CNTNAP4: variants seen among roughly 807,000 people sequenced by gnomAD.
CNTNAP4 encodes the protein contactin-associated protein-like 4.
CNTNAP4 carries 98 observed loss-of-function variants against 148.4 expected under a neutral mutation model. The observed-to-expected ratio is 0.66, with a 90% CI of 0.56 to 0.78. The LOEUF is 0.78. Ranked by LOEUF, CNTNAP4 falls within the 30% of genes least tolerant of loss-of-function variation. The pLI is 0.00. For missense variants in CNTNAP4, 1,935 were observed against 1,565.6 expected, an observed-to-expected ratio of 1.24 and a Z score of -3.98; for synonymous variants, 730 against 565.1, an observed-to-expected ratio of 1.29 and a Z score of -4.14.
chr16:76,332,903 A>G (rs1963663944), intron 2 of CNTNAP4, among the ~76,000 whole-genome samples: 1 of 152,154 alleles, frequency 6.6e-6, no homozygotes, highest in Admixed American at 6.5e-5. Context: ...AAGTGGGAGC[A>G]GGTTAGTGGT....
chr16:76,464,035 C>G lies in CNTNAP4; in HGVS notation c.1483+1930C>G, dbSNP rs116195645. ...GATTCTATTGGTCATTAAATACAAG[C>G]CCTGCAAAATCCAGGCCACCCTAAC... On this transcript the variant is annotated intron_variant, in intron 9 of 23. Transcript: ENST00000611870. Among the ~76,000 whole-genome samples, 951 of 152,254 alleles carry G rather than the reference C, an allele frequency of 6.2e-3. 6 individuals carry two copies. Among genetic ancestry groups the G allele is most frequent in the African/African-American group, 0.022 (896 of 41,554 alleles).
At chr16:76,404,877 A>G (rs928216399) in intron 3 of CNTNAP4, among the ~76,000 whole-genome samples, 1 of 152,126 alleles carries the variant, frequency 6.6e-6, no homozygotes, top group Non-Finnish European at 1.5e-5. Flanking sequence ...TATTTTTAAT[A>G]TTTTCATAAC....
intron 2 of CNTNAP4, among the ~76,000 whole-genome samples, chr16:76,324,059 G>T (rs1483450457): frequency 3.3e-5 from 5 of 152,174 alleles, no homozygotes; most frequent in Admixed American, 3.3e-4. Flanking sequence ...TTTAAAGCAT[G>T]TGAGTAAGAG....
intron 17 of CNTNAP4, among the ~76,000 whole-genome samples, chr16:76,525,732 CTA>C (rs1007492628): frequency 5.1e-5 from 4 of 78,414 alleles, no homozygotes; most frequent in Non-Finnish European, 9.4e-5. Flanking sequence ...TATATATAAA[CTA>C]TATATTGTAT....
At chr16:76,357,115 C>G (rs1279110164) in intron 3 of CNTNAP4, among the ~76,000 whole-genome samples, 1 of 150,966 alleles carries the variant, frequency 6.6e-6, no homozygotes, top group Non-Finnish European at 1.5e-5. Context: ...TTACGTTCAA[C>G]TAATTCCATG....
At position 76,312,806 on chromosome 16, in the gene CNTNAP4, A is replaced by G. The variant is rs145546704; in HGVS notation, c.86-3607A>G. On this transcript the variant is annotated intron_variant, in intron 1 of 23. Coordinates refer to ENST00000611870, the MANE Select transcript of CNTNAP4 (RefSeq NM_033401.5). ...ACTGTGTTCAATGATCTCATCTGCAAGAGAGTAACATTAATATATCAACAA... is the reference window on the plus strand; with the variant it reads ...ACTGTGTTCAATGATCTCATCTGCAGGAGAGTAACATTAATATATCAACAA... 8.3e-4 allele frequency among the ~76,000 whole-genome samples: 127 copies of G among 152,368 alleles called. 1 individual carries two copies. Among genetic ancestry groups the G allele is most frequent in the Non-Finnish European group, 1.6e-4 (11 of 68,028 alleles).
chr16:76,324,083 C>T (rs1169381500), intron 2 of CNTNAP4, among the ~76,000 whole-genome samples: 1 of 152,048 alleles, frequency 6.6e-6, no homozygotes, highest in Non-Finnish European at 1.5e-5. Flanking sequence ...TTGGTAGTCC[C>T]TCAATAAGAA....
intron 21 of CNTNAP4, among the ~76,000 whole-genome samples, chr16:76,549,167 G>A (rs922928788): frequency 6.6e-6 from 1 of 152,108 alleles, no homozygotes; most frequent in Non-Finnish European, 1.5e-5. Context: ...AGAATCTCAG[G>A]GGGGGATTTG....
intron 21 of CNTNAP4, among the ~76,000 whole-genome samples, chr16:76,549,874 G>C (rs1432767477): frequency 6.6e-6 from 1 of 152,120 alleles, no homozygotes; most frequent in East Asian, 1.9e-4. Flanking sequence ...AGAATAAAAA[G>C]GAAGAAGGTG....
intron 17 of CNTNAP4, 24 bp from the exon 18 acceptor site, chr16:76,535,521 C>T (rs759222366): frequency 6.2e-7 from 1 of 1,609,088 alleles, no homozygotes; most frequent in African/African-American, 1.3e-5. Context: ...GAACATGTTT[C>T]CATTTGCAGT....
chr16:76,287,631 G>C (rs1291293681), intron 1 of CNTNAP4: 2 of 152,100 alleles, frequency 1.3e-5, no homozygotes, highest in South Asian at 2.1e-4. Flanking sequence ...CATTTTCCTG[G>C]ATATGAGGAT....
chr16:76,511,273 G>A (rs975867620), intron 15 of CNTNAP4, among the ~76,000 whole-genome samples: 2 of 152,126 alleles, frequency 1.3e-5, no homozygotes, highest in African/African-American at 4.8e-5. Context: ...AAAGATTGCT[G>A]TAAGTTTCTC....
Position 76,460,793 on chromosome 16 carries a change from T to TATATATATATAC in CNTNAP4, c.1334-1161_1334-1160insATATATATACAT, listed in dbSNP as rs1292198875. Reference sequence around the variant, plus strand: ...AAAAAAATATATATATATATATATATATTTAGAATTGTATATAAATATATA... The same window carrying TATATATATATAC: ...AAAAAAATATATATATATATATATATATATATATATACATTTAGAATTGTATATAAATATATA... On this transcript the variant is annotated intron_variant, in intron 8 of 23. Coordinates refer to ENST00000611870, the MANE Select transcript of CNTNAP4 (RefSeq NM_033401.5). 2.0e-3 allele frequency among the ~76,000 whole-genome samples: 221 copies of TATATATATATAC among 110,382 alleles called. 5 individuals are homozygous for TATATATATATAC. The highest frequency in any genetic ancestry group is 7.3e-3 in the African/African-American group (195 of 26,730). 72.4% of individuals were successfully genotyped at this position (110,382 alleles called of 152,430 possible).
chr16:76,447,980 C>T, intron 4 of CNTNAP4, 32 bp from the exon 5 acceptor site: 2 of 1,474,680 alleles, frequency 1.4e-6, no homozygotes, highest in Non-Finnish European at 1.9e-6. Context: ...GATATTTATC[C>T]TTAGAATGCC....
intron 1 of CNTNAP4, among the ~76,000 whole-genome samples, chr16:76,291,406 T>C (rs1959110126): frequency 6.6e-6 from 1 of 152,180 alleles, no homozygotes; most frequent in African/African-American, 2.4e-5. Context: ...TCTTTTTCTC[T>C]TTGCTTTTAT....
intron 3 of CNTNAP4, among the ~76,000 whole-genome samples, chr16:76,377,060 G>T (rs1038310492): frequency 1.2e-4 from 18 of 151,948 alleles, no homozygotes; most frequent in Non-Finnish European, 2.1e-4. Context: ...TGCAGGGTAG[G>T]CTGGCAGGCT....
intron 12 of CNTNAP4, among the ~76,000 whole-genome samples, chr16:76,483,709 G>T (rs2081924201): frequency 6.6e-6 from 1 of 152,122 alleles, no homozygotes; most frequent in African/African-American, 2.4e-5. Context: ...CTACAAATGA[G>T]ACATTTGTTC....
chr16:76,530,886 C>A (rs1221328800), intron 17 of CNTNAP4, among the ~76,000 whole-genome samples: 1 of 152,176 alleles, frequency 6.6e-6, no homozygotes, highest in Non-Finnish European at 1.5e-5. Flanking sequence ...AGGAAGCGAA[C>A]AGGGTTGACG....
intron 4 of CNTNAP4, among the ~76,000 whole-genome samples, chr16:76,443,741 A>G (rs185080158): frequency 1.7e-3 from 263 of 152,348 alleles, no homozygotes; most frequent in African/African-American, 6.1e-3. Context: ...CTATTTACTC[A>G]TATCTTTCAT....
Sources: allele counts gnomAD v4.1 joint callset (sites outside exome capture counted in the v4.1 genomes callset), GRCh38; gene constraint gnomAD v4.1.1; transcripts MANE v1.5; gene names NCBI Gene and HGNC (gene_info 2026-07-23, HGNC 2026-07-21).